The following LUC7L variants were observed in gnomAD, a reference collection of about 807,000 sequenced individuals.
The protein encoded by LUC7L is putative RNA-binding protein Luc7-like 1.
In LUC7L, 29 loss-of-function variants were observed where a neutral mutation model predicts 51.1. The observed-to-expected ratio is 0.57, with a 90% CI of 0.42 to 0.77. LUC7L has a LOEUF of 0.77. LUC7L is among the 30% of genes least tolerant of loss of function. The pLI is 0.00. For missense variants in LUC7L, 403 were observed against 511.9 expected, an observed-to-expected ratio of 0.79 and a Z score of 2.05; for synonymous variants, 181 against 180.7, an observed-to-expected ratio of 1.00 and a Z score of -0.01.
chr16:227,334 C>T lies in LUC7L; in HGVS notation c.64G>A (p.Asp22Asn). ...DQLMGTARDG[D>N]ETRQRVKFTD... ...AACTTGACCCTCTGTCTGGTTTCGT[C>T]TCCTGAAATTCATTTGTGGTTTTAA... is the stretch of plus-strand genomic sequence containing the variant. Residue 22 changes from aspartate (D) to asparagine (N), a missense_variant and splice_region_variant, in exon 2 of 10, where the codon GAC becomes AAC. Around this residue, in one of 3 missense-constraint regions of LUC7L, gnomAD observed 182 missense variants for 248.4 expected, o/e 0.73. Transcript: ENST00000293872. 1.2e-6 allele frequency: 2 copies of T among 1,605,012 alleles called. No individual in the cohort carries two copies. Among genetic ancestry groups the T allele is most frequent in the South Asian group, 2.2e-5 (2 of 89,796 alleles).
At chr16:202,331 T>A (rs116357270) in intron 5 of LUC7L, among the ~76,000 whole-genome samples, 1 of 152,068 alleles carries the variant, frequency 6.6e-6, no homozygotes, top group East Asian at 1.9e-4. Context: ...CACCAAGCCA[T>A]TGATGAGTGA....
rs1332739808 is a variant in LUC7L at position 204,015 on chromosome 16, C to CA, written c.510+1988dup. Among the ~76,000 whole-genome samples, 4 of 151,884 alleles carry CA rather than the reference C, an allele frequency of 2.6e-5. No individual in the cohort carries two copies. In the South Asian group the frequency reaches 6.2e-4, roughly 24 times the overall value. On this transcript the variant is annotated intron_variant, in intron 5 of 9. Coordinates refer to ENST00000293872, the MANE Select transcript of LUC7L (RefSeq NM_201412.3). ...TGGGCGAATGAATGAGACTCCATCT[C>CA]AAAAAAACACAAAAACAAAAACCAA...
intron 7 of LUC7L, among the ~76,000 whole-genome samples, chr16:191,568 C>T (rs777904794): frequency 2.0e-5 from 3 of 152,206 alleles, no homozygotes; most frequent in Admixed American, 6.5e-5. Flanking sequence ...AACAAACGGC[C>T]GGGCGTGGTG....
At chr16:208,522 G>A (rs1596641508) in intron 3 of LUC7L, 12 of 639,296 alleles carry the variant, frequency 1.9e-5, no homozygotes, top group South Asian at 9.5e-5. Context: ...GTTCTCGGAG[G>A]GACAGAAAAG....
At chr16:221,066 C>A (rs1429735454) in intron 2 of LUC7L, among the ~76,000 whole-genome samples, 1 of 152,114 alleles carries the variant, frequency 6.6e-6, no homozygotes, top group Non-Finnish European at 1.5e-5. Flanking sequence ...GTCACCCAGG[C>A]TGGAGTACAG....
intron 3 of LUC7L, among the ~76,000 whole-genome samples, chr16:217,533 C>A (rs970860052): frequency 4.7e-5 from 7 of 150,436 alleles, no homozygotes; most frequent in Non-Finnish European, 8.9e-5. Context: ...ATGACAAAAC[C>A]CCGTCTCTAC....
chr16:194,010 A>G (rs1596597838), intron 6 of LUC7L, among the ~76,000 whole-genome samples: 1 of 150,234 alleles, frequency 6.7e-6, no homozygotes, highest in Non-Finnish European at 1.5e-5. Flanking sequence ...TCACCATGTT[A>G]GCCAGGATGG....
intron 3 of LUC7L, among the ~76,000 whole-genome samples, chr16:215,602 G>A (rs546020575): frequency 3.5e-5 from 5 of 142,280 alleles, no homozygotes; most frequent in Admixed American, 2.9e-4. Flanking sequence ...CAGCCTGGGC[G>A]ACAAAAGCAA....
intron 5 of LUC7L, among the ~76,000 whole-genome samples, chr16:204,840 T>C (rs912579415): frequency 2.0e-5 from 3 of 152,194 alleles, no homozygotes; most frequent in Non-Finnish European, 2.9e-5. Context: ...TAGTGGCATA[T>C]GGATCCTATG....
rs1567197870 is a variant in LUC7L, at chr16:229,270, C to T, written c.61+9G>A. 3.3e-6 allele frequency: 5 copies of T among 1,535,424 alleles called. No individual in the cohort carries two copies. In the East Asian group the frequency reaches 1.2e-4, roughly 38 times the overall value. ...CCAGACCCTCGCCTGGTTGGCCGCT[C>T]TGACTCACCGTCCCGAGCCGTGCCC... On this transcript the variant is annotated intron_variant, in intron 1 of 9. Coordinates refer to ENST00000293872, the MANE Select transcript of LUC7L (RefSeq NM_201412.3).
At chr16:227,459 G>T in intron 1 of LUC7L, 123 bp from the exon 2 acceptor site, 1 of 1,477,820 alleles carries the variant, frequency 6.8e-7, no homozygotes, top group Non-Finnish European at 9.0e-7. Flanking sequence ...CCCATCAAAT[G>T]CAATGAAAAG....
At chr16:197,725 C>T (rs558444077) in intron 6 of LUC7L, among the ~76,000 whole-genome samples, 202 of 152,274 alleles carry the variant, frequency 1.3e-3, no homozygotes, top group African/African-American at 4.5e-3. Flanking sequence ...CTGCCATATG[C>T]GGCCTGAGTG....
chr16:207,456 A>G (rs1047059093), intron 4 of LUC7L, among the ~76,000 whole-genome samples: 8 of 152,200 alleles, frequency 5.3e-5, no homozygotes, highest in Admixed American at 2.6e-4. Flanking sequence ...GGGCTCAAGC[A>G]GTCTGCCCCC....
chr16:207,446 G>C (rs916858616), intron 4 of LUC7L, among the ~76,000 whole-genome samples: 1 of 152,070 alleles, frequency 6.6e-6, no homozygotes, highest in Admixed American at 6.6e-5. Context: ...TAAAACTCCT[G>C]GGCTCAAGCA....
chr16:205,954 C>A, intron 5 of LUC7L, 50 bp downstream of exon 5: 2 of 1,575,970 alleles, frequency 1.3e-6, no homozygotes, highest in Non-Finnish European at 1.7e-6. Flanking sequence ...ACGGTCAACG[C>A]TGCCAAATTA....
chr16:189,348 T>C lies in LUC7L; in HGVS notation c.975-9A>G. 1 of 1,604,764 alleles carries C rather than the reference T, an allele frequency of 6.2e-7. No homozygotes were observed. Among genetic ancestry groups the C allele is most frequent in the Non-Finnish European group, 8.5e-7 (1 of 1,176,204 alleles). ...CCCGCTCTCTGGAGAACCTGGGAAA[T>C]GGGAACCAGAGGCTCAGTGGAGGCT... On this transcript the variant is annotated splice_polypyrimidine_tract_variant and intron_variant, in intron 9 of 9. Transcript: ENST00000293872.
rs780398781 is a variant in LUC7L, at chr16:189,983, C to G, written c.959G>C (p.Arg320Pro). ...SRGHRRASRDRSAKYKFSRER... is the reference protein window; with the variant it reads ...SRGHRRASRDPSAKYKFSRER... ...GAGTAGTTACTTGTATTTCGCACTT[C>G]GGTCCCGGGAAGCCCGACGATGTCC... The change falls in exon 9 of 10, where the codon CGA (arginine) becomes CCA (proline). Residue 320 changes from arginine to proline, a missense_variant. Arg to Pro is a moderately radical substitution (Grantham distance 103, BLOSUM62 -2). This residue lies in a region of LUC7L where 206 missense variants were observed against 218.3 expected (regional missense o/e 0.94). Transcript: ENST00000293872. The G allele has an allele frequency of 6.2e-7, 1 of 1,612,572 alleles. No individual in the cohort carries two copies. The highest frequency in any genetic ancestry group is 1.1e-5 in the South Asian group (1 of 90,998).
chr16:212,984 G>A (rs1023832238), intron 3 of LUC7L, among the ~76,000 whole-genome samples: 20 of 152,024 alleles, frequency 1.3e-4, no homozygotes, highest in Non-Finnish European at 2.4e-4. Flanking sequence ...GGCTGGTCTC[G>A]AATTCCTGGG....
chr16:189,867 G>A, intron 9 of LUC7L, 101 bp downstream of exon 9: 1 of 1,519,164 alleles, frequency 6.6e-7, no homozygotes, highest in Non-Finnish European at 8.8e-7. Context: ...CTGAGGGTGA[G>A]CCCAGCCCCA....
Sources: gnomAD v4.1 joint callset for allele counts (sites outside exome capture counted in the v4.1 genomes callset) on GRCh38, gnomAD v4.1.1 for gene constraint, gnomAD v4.1.1 regional missense constraint, MANE v1.5 for transcripts, NCBI Gene and HGNC (gene_info 2026-07-23, HGNC 2026-07-21) for gene names.